Variants in ARHGAP24 observed in about 807,000 individuals in gnomAD.
The protein encoded by ARHGAP24 is rho GTPase-activating protein 24.
ARHGAP24 carries 50 observed loss-of-function variants against 76.4 expected under a neutral mutation model. The observed-to-expected ratio is 0.65, with a 90% CI of 0.52 to 0.83. ARHGAP24 has a LOEUF of 0.83. Among genes scored for constraint, ARHGAP24 ranks in the 40% least tolerant of loss-of-function variants. The pLI, the probability that ARHGAP24 is intolerant of heterozygous loss-of-function variation, is 0.00. For synonymous variants in ARHGAP24, 345 were observed against 323.3 expected (o/e 1.07, Z -0.72); for missense variants, 930 against 914.2 (o/e 1.02, Z -0.22).
chr4:85,844,173 G>A (rs1298826335), intron 3 of ARHGAP24, among the ~76,000 whole-genome samples: 1 of 152,110 alleles, frequency 6.6e-6, no homozygotes, highest in African/African-American at 2.4e-5. Context: ...ATCATGATAT[G>A]CTAGGGAAGT....
intron 3 of ARHGAP24, among the ~76,000 whole-genome samples, chr4:85,768,692 G>A (rs544056044): frequency 7.2e-5 from 11 of 152,228 alleles, no homozygotes; most frequent in Admixed American, 6.5e-4. Flanking sequence ...TAGGAGAATC[G>A]CTTGAACCCA....
At position 85,515,487 on chromosome 4, in the gene ARHGAP24, C is replaced by CATAT. The variant is rs139510233; in HGVS notation, c.-21+39943_-21+39946dup. On this transcript the variant is annotated intron_variant, in intron 1 of 9. Transcript: ENST00000395184. ...TTGGGTTGTGCAAAATAAACTAGGA[C>CATAT]ATATATATATATATATATTCTTATT... 1.3e-3 allele frequency among the ~76,000 whole-genome samples: 190 copies of CATAT among 145,036 alleles called. 1 individual carries two copies. The highest frequency in any genetic ancestry group is 4.0e-3 in the African/African-American group (158 of 39,714).
intron 1 of ARHGAP24, among the ~76,000 whole-genome samples, chr4:85,501,871 C>A (rs906306435): frequency 2.0e-5 from 3 of 152,016 alleles, no homozygotes; most frequent in Admixed American, 6.6e-5. Context: ...ACATTAAAGT[C>A]TTTAATCCAT....
intron 2 of ARHGAP24, among the ~76,000 whole-genome samples, chr4:85,644,943 T>C (rs571563740): frequency 6.6e-6 from 1 of 152,280 alleles, no homozygotes; most frequent in African/African-American, 2.4e-5. Context: ...GTAACTCATT[T>C]TCTACACTTT....
intron 1 of ARHGAP24, among the ~76,000 whole-genome samples, chr4:85,483,614 A>AAAATAAAT (rs927592014): frequency 1.3e-5 from 2 of 152,156 alleles, no homozygotes; most frequent in African/African-American, 4.8e-5. Flanking sequence ...CTCCATCTCA[A>AAAATAAAT]AAATAAATAA....
chr4:85,689,741 T>G (rs1222186221), intron 2 of ARHGAP24, among the ~76,000 whole-genome samples: 2 of 152,154 alleles, frequency 1.3e-5, no homozygotes, highest in Non-Finnish European at 2.9e-5. Flanking sequence ...CTAAAGTCAT[T>G]TATTAGTTCT....
In ARHGAP24 at chr4:85,633,732, A is replaced by G. The variant is rs369838505; in HGVS notation, c.180+63011A>G. Among the ~76,000 whole-genome samples the G allele has an allele frequency of 7.9e-5, 12 of 151,940 alleles. No individual in the cohort carries two copies. The East Asian group carries it at 1.7e-3, about 22-fold the overall frequency. The stretch of plus-strand genomic sequence containing the variant: ...ACTTTTAATTAACTATTGTAAATTA[A>G]TAGTTCAAAAGACATACTTTTAGGG... On this transcript the variant is annotated intron_variant, in intron 2 of 9. Transcript: ENST00000395184.
At chr4:85,736,285 C>G (rs1049919616) in intron 3 of ARHGAP24, among the ~76,000 whole-genome samples, 10 of 152,164 alleles carry the variant, frequency 6.6e-5, no homozygotes, top group Admixed American at 5.9e-4. Flanking sequence ...TCCATGAGAG[C>G]TAGAACTTTG....
chr4:85,893,754 T>C (rs1172301749), intron 3 of ARHGAP24, among the ~76,000 whole-genome samples: 1 of 150,666 alleles, frequency 6.6e-6, no homozygotes, highest in Non-Finnish European at 1.5e-5. Flanking sequence ...GGGCTTTCCT[T>C]TGAGGGTAAC....
chr4:85,621,958 A>C (rs974932369), intron 2 of ARHGAP24, among the ~76,000 whole-genome samples: 1 of 152,020 alleles, frequency 6.6e-6, no homozygotes, highest in African/African-American at 2.4e-5. Flanking sequence ...GAGAAATAGG[A>C]GTCCAGTTTT....
intron 2 of ARHGAP24, among the ~76,000 whole-genome samples, chr4:85,582,179 T>A (rs907258443): frequency 2.0e-5 from 3 of 152,128 alleles, no homozygotes; most frequent in Non-Finnish European, 4.4e-5. Context: ...TATGGGAAAA[T>A]GAGCAGTAAT....
intron 2 of ARHGAP24, among the ~76,000 whole-genome samples, chr4:85,692,478 G>A (rs1723702119): frequency 1.3e-5 from 2 of 151,980 alleles, no homozygotes; most frequent in South Asian, 4.2e-4. Flanking sequence ...CATAGATTTG[G>A]TCTTTTTGTG....
intron 3 of ARHGAP24, among the ~76,000 whole-genome samples, chr4:85,856,515 G>A (rs1731580830): frequency 7.8e-6 from 1 of 127,676 alleles, no homozygotes; most frequent in Non-Finnish European, 1.6e-5. Flanking sequence ...CTATTGCCCA[G>A]ACTGGAGTGC....
chr4:85,721,483 C>G (rs554789709), intron 2 of ARHGAP24, among the ~76,000 whole-genome samples: 15 of 151,820 alleles, frequency 9.9e-5, no homozygotes, highest in African/African-American at 3.6e-4. Context: ...GAAGGCTTAT[C>G]ACAACTATGT....
intron 3 of ARHGAP24, among the ~76,000 whole-genome samples, chr4:85,741,615 A>C (rs1042327055): frequency 6.6e-6 from 1 of 152,216 alleles, no homozygotes; most frequent in Non-Finnish European, 1.5e-5. Flanking sequence ...AGAAGAACTC[A>C]CTGCCTCAGT....
intron 3 of ARHGAP24, among the ~76,000 whole-genome samples, chr4:85,825,752 C>T (rs1181746157): frequency 3.9e-5 from 6 of 152,202 alleles, no homozygotes; most frequent in Non-Finnish European, 7.3e-5. Context: ...TCTCTGGACT[C>T]TTTGTAAAAG....
chr4:85,854,135 C>CAAAAAA (rs35799327), intron 3 of ARHGAP24, among the ~76,000 whole-genome samples: 3 of 85,552 alleles, frequency 3.5e-5, no homozygotes, highest in African/African-American at 8.2e-5. Context: ...GACTCTGTCT[C>CAAAAAA]AAAAAAAAAA....
rs544494222 is a variant in ARHGAP24 at position 85,667,816 on chromosome 4, C to A, written c.181-54069C>A. The stretch of plus-strand genomic sequence containing the variant: ...TGGATACAAGAATTTCTTAAATTAC[C>A]CACCGACTTGTCTGATTCTCTTGAG... On this transcript the variant is annotated intron_variant, in intron 2 of 9. Coordinates refer to ENST00000395184, the MANE Select transcript of ARHGAP24 (RefSeq NM_001025616.3). 6.8e-4 allele frequency among the ~76,000 whole-genome samples: 104 copies of A among 152,188 alleles called. No individual in the cohort carries two copies. In the South Asian group the frequency reaches 7.1e-3, roughly 10 times the overall value.
intron 3 of ARHGAP24, among the ~76,000 whole-genome samples, chr4:85,878,175 G>C (rs1376513021): frequency 1.3e-5 from 2 of 152,080 alleles, no homozygotes; most frequent in African/African-American, 4.8e-5. Flanking sequence ...CAGAGAGTTA[G>C]ATTAGATAGA....
Sources: gnomAD v4.1 joint callset for allele counts (sites outside exome capture counted in the v4.1 genomes callset) on GRCh38, gnomAD v4.1.1 for gene constraint, MANE v1.5 for transcripts, NCBI Gene and HGNC (gene_info 2026-07-23, HGNC 2026-07-21) for gene names.